Variants in PTGR1 observed in about 807,000 individuals in gnomAD.
The protein encoded by PTGR1 is 15-oxoprostaglandin 13-reductase.
A neutral mutation model predicts 37.7 loss-of-function variants in PTGR1; 23 were observed. The ratio of observed to expected loss-of-function variants is 0.61; its 90% CI spans 0.44 to 0.86. The LOEUF is 0.86. Ranked by LOEUF, PTGR1 falls within the 40% of genes least tolerant of loss-of-function variation. The pLI, the probability that PTGR1 is intolerant of heterozygous loss-of-function variation, is 0.00. For synonymous variants in PTGR1, 134 were observed against 140.0 expected (o/e 0.96, Z 0.30); for missense variants, 351 against 394.3 (o/e 0.89, Z 0.93).
chr9:111,561,157 GA>G (rs1828304730), downstream of PTGR1, among the ~76,000 whole-genome samples: 1 of 114,114 alleles, frequency 8.8e-6, no homozygotes, highest in Admixed American at 9.4e-5. Flanking sequence ...GGGAGAGAGA[GA>G]GAGAGAGAGA....
intron 8 of PTGR1, among the ~76,000 whole-genome samples, chr9:111,573,496 A>G (rs1262204212): frequency 1.3e-5 from 2 of 152,184 alleles, no homozygotes; most frequent in African/African-American, 4.8e-5. Flanking sequence ...CATAGAATAA[A>G]TAACCATTGA....
At chr9:111,576,464 G>A (rs752094570) in intron 7 of PTGR1, 67 of 1,612,934 alleles carry the variant, frequency 4.2e-5, no homozygotes, top group Non-Finnish European at 5.6e-5. Context: ...ATGACCAGAG[G>A]ATGGGGCCAC....
chr9:111,566,232 C>A (rs1232984980), intron 9 of PTGR1, among the ~76,000 whole-genome samples: 1 of 151,302 alleles, frequency 6.6e-6, no homozygotes, highest in Non-Finnish European at 1.5e-5. Flanking sequence ...AATAAATAAA[C>A]ACCTAACTAA....
At chr9:111,586,319 C>T (rs138096591) in intron 4 of PTGR1, among the ~76,000 whole-genome samples, 154 bp from the exon 5 acceptor site, 2 of 152,268 alleles carry the variant, frequency 1.3e-5, no homozygotes, top group African/African-American at 4.8e-5. Context: ...TAATTCTTAG[C>T]CATCGGCATA....
chr9:111,595,514 T>C (rs1311724254), intron 2 of PTGR1, among the ~76,000 whole-genome samples: 1 of 152,244 alleles, frequency 6.6e-6, no homozygotes, highest in African/African-American at 2.4e-5. Context: ...TTTGGAATTT[T>C]GAATTTGAGT....
intron 9 of PTGR1, among the ~76,000 whole-genome samples, chr9:111,567,464 T>C (rs1261852768): frequency 3.3e-5 from 5 of 152,128 alleles, no homozygotes; most frequent in Admixed American, 6.5e-5. Flanking sequence ...GGATTACAAG[T>C]GTGAACCACC....
At chr9:111,560,974 TAGAGAGAGAGAGAGAGAGAGAG>T (rs1172194603), downstream of PTGR1, among the ~76,000 whole-genome samples, 2 of 9,342 alleles carry the variant, frequency 2.1e-4, no homozygotes, top group Non-Finnish European at 3.8e-4. Flanking sequence ...TATATATATA[TAGAGAGAGAGAGAGAGAGAGAG>T]AGAGAGAGAG....
At chr9:111,559,738 G>A (rs1828221765), downstream of PTGR1, among the ~76,000 whole-genome samples, 1 of 152,076 alleles carries the variant, frequency 6.6e-6, no homozygotes, top group Non-Finnish European at 1.5e-5. Flanking sequence ...GGCCATAGAG[G>A]TTCTCCCACC....
At position 111,578,941 on chromosome 9, in the gene PTGR1, A is replaced by G. The variant is rs79129665; in HGVS notation, c.506T>C (p.Val169Ala). Residue 169 changes from valine (V) to alanine (A), a missense_variant, in exon 7 of 10, where the codon GTT becomes GCT. Transcript: ENST00000407693. ...GQIAKLKGCK[V>A]VGAVGSDEKV... ...TTCATCAGACCCTACTGCTCCAACAACTTTGCAGCCCTAAGTAGAAAAAAA... is the reference window on the plus strand; with the variant it reads ...TTCATCAGACCCTACTGCTCCAACAGCTTTGCAGCCCTAAGTAGAAAAAAA... 2.7e-3 allele frequency: 4,217 copies of G among 1,591,028 alleles called. 9 individuals carry two copies. The highest frequency in any genetic ancestry group is 3.4e-3 in the Non-Finnish European group (3,995 of 1,172,842).
At chr9:111,582,098 T>C (rs1027372610) in intron 6 of PTGR1, among the ~76,000 whole-genome samples, 2 of 151,916 alleles carry the variant, frequency 1.3e-5, no homozygotes, top group Admixed American at 6.6e-5. Flanking sequence ...AAAGAAAATA[T>C]CACAGAAAGA....
intron 4 of PTGR1, among the ~76,000 whole-genome samples, chr9:111,589,582 T>C (rs79085475): frequency 0.017 from 2,605 of 151,654 alleles, 78 homozygotes; most frequent in African/African-American, 0.06. Context: ...ATATAAAAGC[T>C]AAATGACTCA....
chr9:111,568,461 TGAA>T (rs1828672614), intron 9 of PTGR1, among the ~76,000 whole-genome samples: 1 of 152,148 alleles, frequency 6.6e-6, no homozygotes, highest in African/African-American at 2.4e-5. Context: ...TTTCTGTTGT[TGAA>T]GATGTTTATC....
chr9:111,586,226 T>A, intron 4 of PTGR1, 61 bp from the exon 5 acceptor site: 3 of 1,527,086 alleles, frequency 2.0e-6, no homozygotes, highest in Non-Finnish European at 2.7e-6. Flanking sequence ...TTCAAGGGAG[T>A]CAGGATGCTG....
chr9:111,587,121 T>C (rs117065036), intron 4 of PTGR1, among the ~76,000 whole-genome samples: 2,704 of 152,102 alleles, frequency 0.018, 31 homozygotes, highest in Middle Eastern at 0.027. Context: ...AGCCTACCCT[T>C]TTCCACTCTA....
chr9:111,597,483 A>G, intron 1 of PTGR1, 51 bp from the exon 2 acceptor site: 1 of 1,166,414 alleles, frequency 8.6e-7, no homozygotes, highest in Non-Finnish European at 1.3e-6. Context: ...CTGCATTCTA[A>G]CAGTTCTCTA....
chr9:111,583,892 G>C (rs145887462), intron 5 of PTGR1, among the ~76,000 whole-genome samples: 1 of 152,176 alleles, frequency 6.6e-6, no homozygotes, highest in East Asian at 1.9e-4. Context: ...AAACTTTGGG[G>C]ATTCAAGAAG....
intron 9 of PTGR1, among the ~76,000 whole-genome samples, chr9:111,564,881 T>C (rs1177529805): frequency 6.6e-6 from 1 of 151,848 alleles, no homozygotes; most frequent in Non-Finnish European, 1.5e-5. Flanking sequence ...CCCAGCACTT[T>C]GGGAGGCTGA....
At chr9:111,594,298 G>A in intron 2 of PTGR1, 31 bp from the exon 3 acceptor site, 1 of 1,593,980 alleles carries the variant, frequency 6.3e-7, no homozygotes, top group Non-Finnish European at 8.6e-7. Flanking sequence ...TAGGCAATTA[G>A]AAACTCAAGG....
intron 2 of PTGR1, among the ~76,000 whole-genome samples, chr9:111,597,017 T>C (rs780977269): frequency 5.4e-5 from 8 of 148,734 alleles, no homozygotes; most frequent in Non-Finnish European, 8.9e-5. Flanking sequence ...ACTATAAGAA[T>C]AGAGCTCAAG....
Sources: allele counts gnomAD v4.1 joint callset (sites outside exome capture counted in the v4.1 genomes callset), GRCh38; gene constraint gnomAD v4.1.1; transcripts MANE v1.5; gene names NCBI Gene and HGNC (gene_info 2026-07-23, HGNC 2026-07-21).